Variants in RABAC1 observed in about 807,000 individuals in gnomAD.
RABAC1 encodes the protein Rab acceptor 1, also known as prenylated Rab acceptor protein 1.
A neutral mutation model predicts 22.9 loss-of-function variants in RABAC1; 16 were observed. That is an observed-to-expected ratio of 0.70 (90% CI 0.47 to 1.06). RABAC1 has a LOEUF of 1.06. Ranked by LOEUF, RABAC1 falls within the 50% of genes least tolerant of loss-of-function variation. The pLI, the probability that RABAC1 is intolerant of heterozygous loss-of-function variation, is 0.00. For missense variants in RABAC1, 227 were observed against 246.5 expected, an observed-to-expected ratio of 0.92 and a Z score of 0.53; for synonymous variants, 139 against 107.7, an observed-to-expected ratio of 1.29 and a Z score of -1.80.
intron 1 of RABAC1, 122 bp from the exon 2 acceptor site, chr19:41,959,070 G>A (rs1457660181): frequency 7.5e-7 from 1 of 1,331,422 alleles, no homozygotes. Context: ...CAGCAGGCAG[G>A]GAGGGGACTA....
At chr19:41,958,005 A>C in intron 3 of RABAC1, 1 of 368,186 alleles carries the variant, frequency 2.7e-6, no homozygotes, top group Non-Finnish European at 5.2e-6. Context: ...GGGAGGAGAG[A>C]GAGGGGAGGA....
rs782226226 is a variant in RABAC1, at chr19:41,958,381, A to C, written c.272T>G (p.Val91Gly). The change falls in exon 3 of 5, where the codon GTG (valine) becomes GGG (glycine). Residue 91 changes from valine (V) to glycine (G), a missense_variant and splice_region_variant. Physicochemically the swap from Val to Gly is moderately radical, Grantham distance 109. Coordinates refer to ENST00000222008, the MANE Select transcript of RABAC1 (RefSeq NM_006423.3). ...VFLGLILYCVVTSPMLLVALA... is the reference protein window; with the variant it reads ...VFLGLILYCVGTSPMLLVALA... Reference sequence around the variant, plus strand: ...AGCCACCAGCAACATAGGGGACGTCACCCTGGAGGAGGAGTGCAGGGAGGC... The same window carrying C: ...AGCCACCAGCAACATAGGGGACGTCCCCCTGGAGGAGGAGTGCAGGGAGGC... The C allele has an allele frequency of 3.7e-6, 6 of 1,612,840 alleles. No individual in the cohort carries two copies. Among genetic ancestry groups the C allele is most frequent in the Non-Finnish European group, 5.1e-6 (6 of 1,179,510 alleles).
At position 41,959,308 on chromosome 19, in the gene RABAC1, G is replaced by T. The variant is rs369343606; in HGVS notation, c.-16C>A. The T allele has an allele frequency of 4.3e-6, 7 of 1,613,392 alleles. No individual in the cohort carries two copies. Among genetic ancestry groups the T allele is most frequent in the South Asian group, 3.3e-5 (3 of 91,078 alleles). On this transcript the variant is annotated 5_prime_UTR_variant, in exon 1 of 5. Transcript: ENST00000222008. ...GCGCTGCCATGTCTGCGTCGTGAGG[G>T]GTAGAGCTGCTGTAACCAGCCCGGT... is the stretch of plus-strand genomic sequence containing the variant.
intron 1 of RABAC1, 63 bp downstream of exon 1, chr19:41,959,174 G>T: frequency 6.2e-7 from 1 of 1,603,030 alleles, no homozygotes; most frequent in Non-Finnish European, 8.5e-7. Flanking sequence ...GAGGAGGGAG[G>T]AGGGGGCCGG....
chr19:41,958,372 G>A lies in RABAC1; in HGVS notation c.281C>T (p.Pro94Leu). The change falls in exon 3 of 5, where the codon CCT becomes CTT. Residue 94 changes from proline (P) to leucine (L), a missense_variant. Pro to Leu is a moderately conservative substitution (Grantham distance 98, BLOSUM62 -3). Transcript: ENST00000222008. Reference protein sequence around the residue: ...GLILYCVVTSPMLLVALAVFF... With the variant: ...GLILYCVVTSLMLLVALAVFF... ...GACAGCCAGAGCCACCAGCAACATAGGGGACGTCACCCTGGAGGAGGAGTG... is the reference window on the plus strand; with the variant it reads ...GACAGCCAGAGCCACCAGCAACATAAGGGACGTCACCCTGGAGGAGGAGTG... 6.2e-7 allele frequency: 1 copy of A among 1,613,386 alleles called. No individual in the cohort carries two copies. Among genetic ancestry groups the A allele is most frequent in the Non-Finnish European group, 8.5e-7 (1 of 1,179,770 alleles).
intron 2 of RABAC1, 80 bp from the exon 3 acceptor site, chr19:41,958,463 GGGC>G: frequency 2.2e-6 from 3 of 1,371,062 alleles, no homozygotes; most frequent in Non-Finnish European, 3.1e-6. Context: ...CTCCACCGGC[GGGC>G]GGCAAGCTAC....
chr19:41,957,928 T>A lies in RABAC1; in HGVS notation c.367+358A>T, dbSNP rs1434680664. 1.2e-4 allele frequency: 35 copies of A among 282,914 alleles called. No individual in the cohort carries two copies. In the Admixed American group the frequency reaches 1.7e-3, roughly 13 times the overall value. The allele number at this position is 282,914 out of a possible 1,614,324, so 17.5% of individuals were successfully genotyped here. On this transcript the variant is annotated intron_variant, in intron 3 of 4. Coordinates refer to ENST00000222008, the MANE Select transcript of RABAC1 (RefSeq NM_006423.3). ...AGAAACGGGAACAGATCTAGGCCAG[T>A]GTAAGGTGGCCACCTGGTGTCCAGT... is the stretch of plus-strand genomic sequence containing the variant.
Position 41,957,136 on chromosome 19 carries a change from T to C in RABAC1, c.368-17A>G, listed in dbSNP as rs1026016280. 9 of 1,607,870 alleles carry C rather than the reference T, an allele frequency of 5.6e-6. No individual in the cohort carries two copies. The highest frequency in any genetic ancestry group is 2.2e-5 in the East Asian group (1 of 44,790). On this transcript the variant is annotated splice_polypyrimidine_tract_variant and intron_variant, in intron 3 of 4. Transcript: ENST00000222008. ...CCTCTCGGCCTGGGGGCAGATGGCA[T>C]TGGGGTGCTGTTCCGACTCTCCATG...
In RABAC1 at chr19:41,956,802, G is replaced by A; in HGVS notation, c.*44C>T. Reference sequence around the variant, plus strand: ...CCGTGCAGGACAGGCATGGGCAGGGGTGGGGCAGCTGGCCCGGGAGGCCGG... The same window carrying A: ...CCGTGCAGGACAGGCATGGGCAGGGATGGGGCAGCTGGCCCGGGAGGCCGG... On this transcript the variant is annotated 3_prime_UTR_variant, in exon 5 of 5. Transcript: ENST00000222008. 1 of 1,546,766 alleles carries A rather than the reference G, an allele frequency of 6.5e-7. No individual in the cohort carries two copies. Among genetic ancestry groups the A allele is most frequent in the Non-Finnish European group, 8.8e-7 (1 of 1,135,196 alleles).
In RABAC1 at chr19:41,959,237, G is replaced by GT; in HGVS notation, c.55dup (p.Thr19AsnfsTer155). The GT allele has an allele frequency of 6.2e-7, 1 of 1,613,480 alleles. No individual in the cohort carries two copies. Among genetic ancestry groups the GT allele is most frequent in the Non-Finnish European group, 8.5e-7 (1 of 1,179,904 alleles). On this transcript the variant is annotated frameshift_variant and splice_region_variant, in exon 1 of 5. Transcript: ENST00000222008. LOFTEE classifies it high-confidence loss of function. ...GAGGGCCTAGAGCCAGCTCGCTCAC[G>GT]TGCCGCTCAGCCCTTCCGCCTCGGC...
At chr19:41,959,208 G>A (rs1568847749) in intron 1 of RABAC1, 29 bp downstream of exon 1, 1 of 1,612,852 alleles carries the variant, frequency 6.2e-7, no homozygotes, top group Admixed American at 1.7e-5. Context: ...CGGGTCTCTG[G>A]TCCGAGGGCC....
In RABAC1 at chr19:41,958,310, A is replaced by G. The variant is rs782154395; in HGVS notation, c.343T>C (p.Leu115=). The G allele has an allele frequency of 3.7e-6, 6 of 1,613,012 alleles. No individual in the cohort carries two copies. The highest frequency in any genetic ancestry group is 2.7e-5 in the African/African-American group (2 of 74,932). The part of the protein sequence containing the change: ...GACYILYLRT[L]ESKLVLFGRE... The stretch of plus-strand genomic sequence containing the variant: ...CCAAAGAGCACAAGCTTGGACTCCA[A>G]GGTGCGCAGATAGAGAATGTAACAG... The change falls in exon 3 of 5, where the codon TTG becomes CTG. Residue 115 remains leucine (L), a synonymous_variant. Coordinates refer to ENST00000222008, the MANE Select transcript of RABAC1 (RefSeq NM_006423.3).
At chr19:41,959,169 G>C in intron 1 of RABAC1, 68 bp downstream of exon 1, 1 of 1,598,316 alleles carries the variant, frequency 6.3e-7, no homozygotes, top group Non-Finnish European at 8.5e-7. Flanking sequence ...CGAGGGAGGA[G>C]GGAGGAGGGG....
Position 41,956,875 on chromosome 19 carries a change from C to A in RABAC1, c.529G>T (p.Gly177Trp). 1 of 1,612,394 alleles carries A rather than the reference C, an allele frequency of 6.2e-7. No individual in the cohort carries two copies. The highest frequency in any genetic ancestry group is 8.5e-7 in the Non-Finnish European group (1 of 1,179,490). ...ACGGGTTCCATCTGCAGCTCCTCCC[C>A]GTCCACAGCCTCAATCTGGTGGAAG... is the stretch of plus-strand genomic sequence containing the variant. ...AAFHQIEAVD[G>W]EELQMEPV The change falls in exon 5 of 5, where the codon GGG becomes TGG. Residue 177 changes from glycine to tryptophan, a missense_variant. Gly to Trp is a radical substitution (Grantham distance 184, BLOSUM62 -2). Coordinates refer to ENST00000222008, the MANE Select transcript of RABAC1 (RefSeq NM_006423.3).
chr19:41,957,592 C>A, intron 3 of RABAC1: 1 of 164,520 alleles, frequency 6.1e-6, no homozygotes, highest in South Asian at 1.4e-4. Context: ...ATGGGGTCTA[C>A]ATGCTCTGGT....
At chr19:41,958,213 C>A in intron 3 of RABAC1, 73 bp downstream of exon 3, 1 of 1,426,706 alleles carries the variant, frequency 7.0e-7, no homozygotes, top group South Asian at 1.2e-5. Context: ...GATTTGGGGT[C>A]TGAGGTCTGT....
At chr19:41,958,167 T>C in intron 3 of RABAC1, 119 bp downstream of exon 3, 1 of 917,256 alleles carries the variant, frequency 1.1e-6, no homozygotes, top group East Asian at 2.7e-5. Flanking sequence ...CTAGTGTACA[T>C]CTAGGCTTGG....
At chr19:41,959,003 G>A (rs782557715) in intron 1 of RABAC1, 55 bp from the exon 2 acceptor site, 3 of 1,481,082 alleles carry the variant, frequency 2.0e-6, no homozygotes, top group Non-Finnish European at 2.7e-6. Context: ...CCAGACCCCC[G>A]CAAAAGAAGG....
chr19:41,959,103 A>G (rs1047245537), intron 1 of RABAC1, 134 bp downstream of exon 1: 1 of 1,387,494 alleles, frequency 7.2e-7, no homozygotes, highest in African/African-American at 1.4e-5. Context: ...CCAGGGTCCC[A>G]TTAGAGGAGA....
Sources: gnomAD v4.1 joint callset for allele counts on GRCh38, gnomAD v4.1.1 for gene constraint, MANE v1.5 for transcripts, NCBI Gene and HGNC (gene_info 2026-07-23, HGNC 2026-07-21) for gene names.